Variants in CLINT1 observed in about 807,000 individuals in gnomAD.
CLINT1 encodes clathrin interactor 1.
A neutral mutation model predicts 70.4 loss-of-function variants in CLINT1; 15 were observed. The ratio of observed to expected loss-of-function variants is 0.21; its 90% CI spans 0.14 to 0.33. The LOEUF (loss-of-function observed/expected upper bound fraction) is 0.33. Ranked by LOEUF, CLINT1 falls within the 10% of genes least tolerant of loss-of-function variation. The pLI is 1.00. For missense variants in CLINT1, 615 were observed against 778.1 expected (o/e 0.79, Z 2.49); for synonymous variants, 227 against 254.7 (o/e 0.89, Z 1.04).
intron 1 of CLINT1, among the ~76,000 whole-genome samples, chr5:157,848,235 T>C (rs1357642832): frequency 6.6e-6 from 1 of 151,460 alleles, no homozygotes; most frequent in Non-Finnish European, 1.5e-5. Flanking sequence ...TAGCTGGGAC[T>C]ACAGGGGCCC....
chr5:157,801,818 C>CAAA (rs1448330331), intron 8 of CLINT1, among the ~76,000 whole-genome samples: 4 of 151,946 alleles, frequency 2.6e-5, no homozygotes, highest in African/African-American at 9.7e-5. Flanking sequence ...TAATAGGGGG[C>CAAA]TTTATATTAC....
At chr5:157,832,144 C>T (rs552243591) in intron 1 of CLINT1, among the ~76,000 whole-genome samples, 1 of 151,722 alleles carries the variant, frequency 6.6e-6, no homozygotes, top group Non-Finnish European at 1.5e-5. Flanking sequence ...CGTGCTGCCA[C>T]GCGAATTTTT....
At chr5:157,856,694 T>A (rs1753771593) in intron 1 of CLINT1, among the ~76,000 whole-genome samples, 1 of 152,194 alleles carries the variant, frequency 6.6e-6, no homozygotes. Flanking sequence ...CGAGTACTCA[T>A]CAGTAAATCA....
chr5:157,798,867 A>G (rs987253639), intron 8 of CLINT1, among the ~76,000 whole-genome samples: 1 of 152,126 alleles, frequency 6.6e-6, no homozygotes, highest in Admixed American at 6.5e-5. Flanking sequence ...CTAAATTATA[A>G]TATAGCCACC....
chr5:157,800,642 T>C (rs1762182515), intron 8 of CLINT1, among the ~76,000 whole-genome samples: 1 of 152,188 alleles, frequency 6.6e-6, no homozygotes, highest in African/African-American at 2.4e-5. Flanking sequence ...CAATCTCTAT[T>C]AGTTGCTTTT....
chr5:157,795,131 T>A (rs1212031449), intron 8 of CLINT1, 159 bp from the exon 9 acceptor site: 2 of 626,446 alleles, frequency 3.2e-6, no homozygotes, highest in African/African-American at 3.7e-5. Flanking sequence ...TTCATGTCAC[T>A]ATGTTCCCTA....
At chr5:157,799,404 C>T (rs905980268) in intron 8 of CLINT1, among the ~76,000 whole-genome samples, 15 of 152,040 alleles carry the variant, frequency 9.9e-5, no homozygotes, top group African/African-American at 3.1e-4. Context: ...ATACACATTT[C>T]GGATTTGATA....
Position 157,859,134 on chromosome 5 carries a change from A to G in CLINT1, c.-164T>C. On this transcript the variant is annotated 5_prime_UTR_variant, in exon 1 of 12. Transcript: ENST00000411809. The stretch of plus-strand genomic sequence containing the variant: ...CCACAGCAGCGGCGCCGCCGGTGAC[A>G]CGTCGAGACGCGGCAGCACAGGCGC... The G allele has an allele frequency of 3.2e-6, 2 of 633,038 alleles. No individual in the cohort carries two copies. The highest frequency in any genetic ancestry group is 4.3e-5 in the South Asian group (2 of 46,048). The allele number at this position is 633,038 out of a possible 1,614,324, so 39.2% of individuals were successfully genotyped here.
intron 6 of CLINT1, among the ~76,000 whole-genome samples, 175 bp from the exon 7 acceptor site, chr5:157,806,287 G>A (rs995756109): frequency 1.3e-5 from 2 of 152,098 alleles, no homozygotes; most frequent in African/African-American, 2.4e-5. Flanking sequence ...ATATATGTGC[G>A]CTGGGGAGGG....
chr5:157,827,117 T>C (rs914640652), intron 1 of CLINT1, among the ~76,000 whole-genome samples: 3 of 152,152 alleles, frequency 2.0e-5, no homozygotes, highest in African/African-American at 7.2e-5. Flanking sequence ...AAAATATAGC[T>C]AGCAGAATAA....
chr5:157,828,871 T>A (rs1196995183), intron 1 of CLINT1, among the ~76,000 whole-genome samples: 1 of 148,930 alleles, frequency 6.7e-6, no homozygotes, highest in African/African-American at 2.5e-5. Flanking sequence ...GGCAGATCAC[T>A]TGAGATCAGG....
At chr5:157,830,753 T>C (rs1467518130) in intron 1 of CLINT1, among the ~76,000 whole-genome samples, 1 of 108,236 alleles carries the variant, frequency 9.2e-6, no homozygotes, top group Admixed American at 1.0e-4. Context: ...CCTCCCTCTC[T>C]CTCCCTCTCT....
rs752140746 is a variant in CLINT1 at position 157,858,920 on chromosome 5, C to A, written c.41+10G>T. 13 of 1,608,124 alleles carry A rather than the reference C, an allele frequency of 8.1e-6. No homozygotes were observed. The highest frequency in any genetic ancestry group is 1.7e-5 in the Admixed American group (1 of 59,604). On this transcript the variant is annotated intron_variant, in intron 1 of 11. Transcript: ENST00000411809. ...GTGGGCCTCGGCCACAACTGCCCCC[C>A]GATACTCACGCTTTGTCCACCAGCT...
intron 1 of CLINT1, among the ~76,000 whole-genome samples, chr5:157,828,778 C>T (rs2113254611): frequency 6.6e-6 from 1 of 151,870 alleles, no homozygotes; most frequent in Admixed American, 6.6e-5. Flanking sequence ...TCTATCAGTG[C>T]ACCACCTGCA....
chr5:157,813,525 C>T (rs1762623183), intron 4 of CLINT1, among the ~76,000 whole-genome samples: 1 of 152,038 alleles, frequency 6.6e-6, no homozygotes, highest in African/African-American at 2.4e-5. Context: ...TGATGATGAC[C>T]ACACAAAATA....
intron 1 of CLINT1, among the ~76,000 whole-genome samples, chr5:157,846,852 C>A (rs564712418): frequency 3.3e-5 from 5 of 152,136 alleles, no homozygotes; most frequent in Admixed American, 6.5e-5. Flanking sequence ...AGAAATAGAA[C>A]AACAAAGCCT....
intron 1 of CLINT1, among the ~76,000 whole-genome samples, chr5:157,828,972 T>C (rs186972230): frequency 1.2e-4 from 17 of 147,334 alleles, no homozygotes; most frequent in Non-Finnish European, 2.5e-4. Context: ...CATGGTGGTG[T>C]GCTCTTGTAG....
chr5:157,825,743 A>G (rs1471163147), intron 1 of CLINT1, among the ~76,000 whole-genome samples: 4 of 152,170 alleles, frequency 2.6e-5, no homozygotes, highest in African/African-American at 7.2e-5. Context: ...GTTGTCAGAA[A>G]ATTAAGGACT....
At chr5:157,799,878 G>A (rs1762162687) in intron 8 of CLINT1, among the ~76,000 whole-genome samples, 2 of 152,046 alleles carry the variant, frequency 1.3e-5, no homozygotes, top group African/African-American at 4.8e-5. Flanking sequence ...GATACTGTAG[G>A]CAACTGTAAC....
Sources: gnomAD v4.1 joint callset for allele counts (sites outside exome capture counted in the v4.1 genomes callset) on GRCh38, gnomAD v4.1.1 for gene constraint, MANE v1.5 for transcripts, NCBI Gene and HGNC (gene_info 2026-07-23, HGNC 2026-07-21) for gene names.